The following FRMPD1 variants were observed in gnomAD, a reference collection of about 807,000 sequenced individuals.
FRMPD1 encodes the protein FERM and PDZ domain-containing protein 1.
Under a neutral mutation model 117.8 loss-of-function variants are expected in FRMPD1, and 76 were observed. That is an observed-to-expected ratio of 0.65 (90% confidence interval 0.54 to 0.78). The LOEUF (loss-of-function observed/expected upper bound fraction) is 0.78, where lower values mean the gene tolerates loss of function less well. Ranked by LOEUF, FRMPD1 falls within the 30% of genes least tolerant of loss-of-function variation. The probability of loss-of-function intolerance (pLI) is 0.00; values close to 1 mark genes in which losing one functional copy is unlikely to be tolerated. For missense variants in FRMPD1, 1,786 were observed against 1,964.5 expected (o/e 0.91, Z 1.72); for synonymous variants, 783 against 770.4 (o/e 1.02, Z -0.27).
chr9:37,638,959 T>C, the FRMPD1 span, among the ~76,000 whole-genome samples: 1 of 152,232 alleles, frequency 6.6e-6, no homozygotes, highest in African/African-American at 2.4e-5. Context: ...GTGCCCACAG[T>C]AATTTTTCGT....
chr9:37,703,724 C>A (rs1438593890), intron 2 of FRMPD1, among the ~76,000 whole-genome samples: 1 of 152,126 alleles, frequency 6.6e-6, no homozygotes, highest in Non-Finnish European at 1.5e-5. Flanking sequence ...CTTGGACAAC[C>A]CCTAATCTAC....
At chr9:37,703,600 T>A (rs1424944560) in intron 2 of FRMPD1, among the ~76,000 whole-genome samples, 1 of 152,174 alleles carries the variant, frequency 6.6e-6, no homozygotes, top group East Asian at 1.9e-4. Flanking sequence ...TCTTAGTGTA[T>A]TCACAGATCT....
chr9:37,658,776 A>G (rs867116792), intron 1 of FRMPD1, among the ~76,000 whole-genome samples: 7 of 152,234 alleles, frequency 4.6e-5, no homozygotes, highest in Non-Finnish European at 1.0e-4. Flanking sequence ...CACGTCATCT[A>G]AAGATCATTA....
rs573322850 is a variant in FRMPD1, at chr9:37,745,616, C to A, written c.3584C>A (p.Ala1195Asp). ...GAACCCCCAGGGCAAGGCTGCCAGG[C>A]TCAAGAACAAAAACTATTCGTAGAG... ...SREPPGQGCQ[A>D]QEQKLFVELD... is the part of the protein sequence containing the mutation. Residue 1195 changes from alanine to aspartate, a missense_variant, in exon 16 of 16, where the codon GCT (alanine) becomes GAT (aspartate). Transcript: ENST00000377765. The A allele has an allele frequency of 1.5e-5, 24 of 1,614,180 alleles. No individual in the cohort carries two copies. The South Asian group carries it at 2.5e-4, about 17-fold the overall frequency.
the FRMPD1 span, among the ~76,000 whole-genome samples, chr9:37,612,515 ATTTT>A: frequency 4.5e-3 from 410 of 92,068 alleles, 6 homozygotes; most frequent in African/African-American, 0.016. Flanking sequence ...TGCCCAGCTA[ATTTT>A]TTTTTTTTTT....
chr9:37,741,208 G>A (rs1432101101), intron 15 of FRMPD1, among the ~76,000 whole-genome samples: 1 of 152,044 alleles, frequency 6.6e-6, no homozygotes, highest in East Asian at 1.9e-4. Flanking sequence ...GGCTTGACAG[G>A]AGTGCCCGGC....
Position 37,745,158 on chromosome 9 carries a change from A to G in FRMPD1, c.3126A>G (p.Leu1042=), listed in dbSNP as rs772753641. 3.1e-6 allele frequency: 5 copies of G among 1,614,084 alleles called. No individual in the cohort carries two copies. In the East Asian group the frequency reaches 6.7e-5, roughly 22 times the overall value. ...ATAATGTCTCTCAAGGAGACACACT[A>G]GAGCTCCAGTTGGAGCCCCATGTCC... ...GLNNVSQGDT[L]ELQLEPHVQL... The change falls in exon 16 of 16, where the codon CTA becomes CTG. Residue 1042 remains leucine, a synonymous_variant. Transcript: ENST00000377765.
chr9:37,635,242 C>G, the FRMPD1 span, among the ~76,000 whole-genome samples: 3 of 152,184 alleles, frequency 2.0e-5, no homozygotes, highest in African/African-American at 7.2e-5. Flanking sequence ...AGAAAGCACT[C>G]AAAATTTCTT....
At chr9:37,698,549 C>CTTTTTTTTTTTTTTT (rs531498194) in intron 2 of FRMPD1, among the ~76,000 whole-genome samples, 2 of 74,600 alleles carry the variant, frequency 2.7e-5, no homozygotes, top group Non-Finnish European at 4.4e-5. Flanking sequence ...ATCTCATTAT[C>CTTTTTTTTTTTTTTT]TTTTTTTTTT....
At chr9:37,663,756 T>C (rs1821069395) in intron 1 of FRMPD1, among the ~76,000 whole-genome samples, 2 of 152,244 alleles carry the variant, frequency 1.3e-5, no homozygotes, top group African/African-American at 2.4e-5. Flanking sequence ...TCAAGTCCTT[T>C]ATATAAAATG....
chr9:37,734,404 A>T (rs1184421056), intron 12 of FRMPD1, among the ~76,000 whole-genome samples: 1 of 151,958 alleles, frequency 6.6e-6, no homozygotes, highest in African/African-American at 2.4e-5. Flanking sequence ...TGGGCCTGAG[A>T]AGAGAAACGA....
chr9:37,720,039 C>G (rs540022636), intron 6 of FRMPD1, among the ~76,000 whole-genome samples: 2 of 152,000 alleles, frequency 1.3e-5, no homozygotes, highest in South Asian at 2.1e-4. Flanking sequence ...CCGGGGGAGT[C>G]ACAGGGGGTG....
rs1563941930 is a variant in FRMPD1, at chr9:37,708,403, C to G, written c.264C>G (p.Gly88=). ...TACTTATTTTCTGTCCAACAGGAGG[C>G]TCTGCTCACGGCAAGCTTTTCCCTG... The part of the protein sequence containing the change: ...PLTVVAVTAG[G]SAHGKLFPGD... Residue 88 remains glycine (G), a synonymous_variant, in exon 4 of 16, where the codon GGC becomes GGG. Transcript: ENST00000377765. The G allele has an allele frequency of 6.2e-7, 1 of 1,600,792 alleles. No homozygotes were observed. Among genetic ancestry groups the G allele is most frequent in the Non-Finnish European group, 8.6e-7 (1 of 1,167,910 alleles).
chr9:37,604,524 G>A, the FRMPD1 span, among the ~76,000 whole-genome samples: 1 of 152,232 alleles, frequency 6.6e-6, no homozygotes, highest in African/African-American at 2.4e-5. Flanking sequence ...AGAAGCAGGG[G>A]CTTCTTGCTC....
intron 1 of FRMPD1, among the ~76,000 whole-genome samples, chr9:37,658,298 A>C (rs943681781): frequency 6.6e-6 from 1 of 152,128 alleles, no homozygotes; most frequent in African/African-American, 2.4e-5. Flanking sequence ...TGAGCTGTGC[A>C]CTGGGCCACT....
At chr9:37,614,868 G>C in the FRMPD1 span, among the ~76,000 whole-genome samples, 4 of 152,156 alleles carry the variant, frequency 2.6e-5, no homozygotes, top group Non-Finnish European at 5.9e-5. Flanking sequence ...AATGGCTAAT[G>C]GATTTATTTC....
At chr9:37,636,853 G>A in the FRMPD1 span, 1 of 1,611,574 alleles carries the variant, frequency 6.2e-7, no homozygotes, top group Non-Finnish European at 8.5e-7. Flanking sequence ...TCGTCTCCAA[G>A]AAGGGGATGC....
At chr9:37,657,184 G>A (rs1820868098) in intron 1 of FRMPD1, among the ~76,000 whole-genome samples, 1 of 152,192 alleles carries the variant, frequency 6.6e-6, no homozygotes, top group African/African-American at 2.4e-5. Flanking sequence ...TGTGCTTCCT[G>A]TTCTTTGAGT....
chr9:37,717,795 A>C (rs1186691162), intron 5 of FRMPD1, among the ~76,000 whole-genome samples: 2 of 152,128 alleles, frequency 1.3e-5, no homozygotes, highest in Non-Finnish European at 2.9e-5. Context: ...CATTTCTTCC[A>C]TTCTCTGTTC....
Sources: gnomAD v4.1 joint callset for allele counts (sites outside exome capture counted in the v4.1 genomes callset) on GRCh38, gnomAD v4.1.1 for gene constraint, MANE v1.5 for transcripts, NCBI Gene and HGNC (gene_info 2026-07-23, HGNC 2026-07-21) for gene names.